Variants in CAMK2D observed in about 807,000 individuals in gnomAD.
CAMK2D encodes calcium/calmodulin-dependent protein kinase type II subunit delta.
In CAMK2D, 37 loss-of-function variants were observed where a neutral mutation model predicts 84.0. That is an observed-to-expected ratio of 0.44 (90% CI 0.34 to 0.58). The LOEUF (loss-of-function observed/expected upper bound fraction) is 0.58. Among genes scored for constraint, CAMK2D ranks in the 20% least tolerant of loss-of-function variants. The pLI is 0.02. For missense variants in CAMK2D, 448 were observed against 652.5 expected (o/e 0.69, Z 3.41); for synonymous variants, 202 against 212.5 (o/e 0.95, Z 0.43).
intron 7 of CAMK2D, among the ~76,000 whole-genome samples, chr4:113,533,823 A>G (rs997523770): frequency 2.0e-5 from 3 of 152,020 alleles, no homozygotes; most frequent in African/African-American, 7.2e-5. Flanking sequence ...AGTTTTGGCT[A>G]GTATTCCAAC....
Position 113,454,277 on chromosome 4 carries a change from C to T in CAMK2D, c.*268G>A, listed in dbSNP as rs1404842496. ...TGGATTTTTTTTTTTGTCTAATCTC[C>T]CCCTATTGTTTTGCCAACAGTAATT... is the stretch of plus-strand genomic sequence containing the variant. On this transcript the variant is annotated 3_prime_UTR_variant, in exon 21 of 21. Transcript: ENST00000511664. 2 of 357,292 alleles carry T rather than the reference C, an allele frequency of 5.6e-6. 1 individual carries two copies. Among genetic ancestry groups the T allele is most frequent in the South Asian group, 1.9e-4 (2 of 10,764 alleles). 22.1% of individuals were successfully genotyped at this position (357,292 alleles called of 1,614,324 possible). A position where few individuals can be genotyped will look rare whatever the true frequency, so the allele number is the denominator to read the frequency against.
At chr4:113,515,872 T>C (rs1380981872) in intron 9 of CAMK2D, among the ~76,000 whole-genome samples, 1 of 152,236 alleles carries the variant, frequency 6.6e-6, no homozygotes, top group Non-Finnish European at 1.5e-5. Flanking sequence ...CCATTACTAA[T>C]ACTTTTTTAT....
At position 113,595,635 on chromosome 4, in the gene CAMK2D, A is replaced by G. The variant is rs114325529; in HGVS notation, c.275+13517T>C. ...CACAATAAAGCAAATATTACAATAA[A>G]ATGAGTCACAGCTTTATTTCACAGT... On this transcript the variant is annotated intron_variant, in intron 4 of 20. Transcript: ENST00000511664. Among the ~76,000 whole-genome samples the G allele has an allele frequency of 3.5e-3, 537 of 152,320 alleles. 3 individuals carry two copies. Among genetic ancestry groups the G allele is most frequent in the African/African-American group, 0.012 (502 of 41,566 alleles).
At position 113,497,781 on chromosome 4, in the gene CAMK2D, C is replaced by T. The variant is rs778356278; in HGVS notation, c.1135+2682G>A. Among the ~76,000 whole-genome samples the T allele has an allele frequency of 1.5e-4, 23 of 152,224 alleles. 1 individual carries two copies. The highest frequency in any genetic ancestry group is 7.9e-4 in the Admixed American group (12 of 15,284). ...GACATGGTATTCAAGGAATCATATA[C>T]CACCATAAAACAATGTAAGTCTAGG... On this transcript the variant is annotated intron_variant, in intron 16 of 20. Transcript: ENST00000511664.
In CAMK2D at chr4:113,609,104, G is replaced by A. The variant is rs376371472; in HGVS notation, c.275+48C>T. ...GTGAGAAAAATCATTAATTCAAAACGGTCCTCAATTAGATTGCAAAAATAA... is the reference window on the plus strand; with the variant it reads ...GTGAGAAAAATCATTAATTCAAAACAGTCCTCAATTAGATTGCAAAAATAA... On this transcript the variant is annotated intron_variant, in intron 4 of 20. Coordinates refer to ENST00000511664, the MANE Select transcript of CAMK2D (RefSeq NM_001321571.2). The A allele has an allele frequency of 6.2e-5, 59 of 955,216 alleles. 1 individual carries two copies. Among genetic ancestry groups the A allele is most frequent in the Non-Finnish European group, 8.9e-5 (52 of 583,674 alleles). 59.2% of individuals were successfully genotyped at this position (955,216 alleles called of 1,614,324 possible). A position where few individuals can be genotyped will look rare whatever the true frequency, so the allele number is the denominator to read the frequency against.
chr4:113,557,188 G>A (rs907713557), intron 4 of CAMK2D, among the ~76,000 whole-genome samples: 2 of 151,916 alleles, frequency 1.3e-5, no homozygotes, highest in Non-Finnish European at 2.9e-5. Flanking sequence ...AACTCCTAAT[G>A]GGCCCCATTT....
intron 2 of CAMK2D, chr4:113,754,899 G>T: frequency 1.0e-6 from 1 of 981,908 alleles, no homozygotes. Flanking sequence ...ATATAAAAAT[G>T]ATTTACTAAT....
intron 4 of CAMK2D, among the ~76,000 whole-genome samples, chr4:113,565,811 CAG>C (rs1383110234): frequency 1.3e-5 from 2 of 152,022 alleles, no homozygotes; most frequent in African/African-American, 4.8e-5. Context: ...GGAGAAAAGA[CAG>C]AAAACTAGGA....
Position 113,761,621 on chromosome 4 carries a change from G to C in CAMK2D, c.-553C>G, listed in dbSNP as rs1402286190. 1.0e-6 allele frequency: 1 copy of C among 985,138 alleles called. No individual in the cohort carries two copies. The highest frequency in any genetic ancestry group is 1.2e-6 in the Non-Finnish European group (1 of 829,840). The allele number at this position is 985,138 out of a possible 1,614,324, so 61.0% of individuals were successfully genotyped here. A position where few individuals can be genotyped will look rare whatever the true frequency, so the allele number is the denominator to read the frequency against. ...CGCGCCGGGGCTCCGACGAGCGTGC[G>C]CGCCCGAGGCCGGCTTCCCTCCGGC... On this transcript the variant is annotated 5_prime_UTR_variant, in exon 1 of 21. Coordinates refer to ENST00000511664, the MANE Select transcript of CAMK2D (RefSeq NM_001321571.2).
intron 4 of CAMK2D, among the ~76,000 whole-genome samples, chr4:113,570,934 AAAC>A (rs748786491): frequency 1.2e-4 from 19 of 152,184 alleles, no homozygotes; most frequent in Non-Finnish European, 2.2e-4. Context: ...TATAAGAAAC[AAAC>A]AACTCAACAG....
chr4:113,661,863 C>A lies in CAMK2D; in HGVS notation c.161-91G>T, dbSNP rs1263178235. ...ATAACAAAATGACAAAAGGCCTTTGCATTTACTTATCCTTTGATTTCATTT... is the reference window on the plus strand; with the variant it reads ...ATAACAAAATGACAAAAGGCCTTTGAATTTACTTATCCTTTGATTTCATTT... On this transcript the variant is annotated intron_variant, in intron 2 of 20. Coordinates refer to ENST00000511664, the MANE Select transcript of CAMK2D (RefSeq NM_001321571.2). The A allele has an allele frequency of 6.4e-6, 4 of 625,894 alleles. No individual in the cohort carries two copies. The East Asian group carries it at 8.4e-5, about 13-fold the overall frequency. The allele number at this position is 625,894 out of a possible 1,614,324, so 38.8% of individuals were successfully genotyped here.
chr4:113,477,385 T>G (rs915262355), intron 16 of CAMK2D, among the ~76,000 whole-genome samples: 4 of 152,326 alleles, frequency 2.6e-5, no homozygotes, highest in Non-Finnish European at 4.4e-5. Context: ...TATAATCAGT[T>G]TAGCTCTGGG....
intron 4 of CAMK2D, among the ~76,000 whole-genome samples, chr4:113,579,873 G>C (rs1017247915): frequency 6.6e-6 from 1 of 152,118 alleles, no homozygotes; most frequent in South Asian, 2.1e-4. Context: ...TGAAAATACA[G>C]CCACTGTTTG....
intron 6 of CAMK2D, among the ~76,000 whole-genome samples, chr4:113,540,893 G>T (rs2098525781): frequency 6.6e-6 from 1 of 152,072 alleles, no homozygotes; most frequent in African/African-American, 2.4e-5. Context: ...TTCTAGGTTG[G>T]TTTTTAAATA....
chr4:113,549,033 GA>G (rs1337751974), intron 5 of CAMK2D, among the ~76,000 whole-genome samples: 1 of 152,070 alleles, frequency 6.6e-6, no homozygotes, highest in Admixed American at 6.5e-5. Flanking sequence ...TCCATATTTA[GA>G]AAGAAAAATT....
At chr4:113,509,156 G>C (rs1193786373) in intron 13 of CAMK2D, among the ~76,000 whole-genome samples, 2 of 152,082 alleles carry the variant, frequency 1.3e-5, no homozygotes, top group East Asian at 1.9e-4. Flanking sequence ...CAGAAACAAG[G>C]AATAATTAAG....
chr4:113,494,368 C>G (rs1330783352), intron 16 of CAMK2D, among the ~76,000 whole-genome samples: 1 of 152,156 alleles, frequency 6.6e-6, no homozygotes, highest in Non-Finnish European at 1.5e-5. Flanking sequence ...AGAGAGGACC[C>G]TCAGCTGCAG....
intron 12 of CAMK2D, among the ~76,000 whole-genome samples, chr4:113,511,329 A>G (rs529034473): frequency 6.6e-6 from 1 of 152,298 alleles, no homozygotes; most frequent in South Asian, 2.1e-4. Flanking sequence ...TTTTCATGCT[A>G]AGACAATCAG....
intron 2 of CAMK2D, among the ~76,000 whole-genome samples, chr4:113,723,225 C>CTTT (rs869114577): frequency 2.1e-5 from 3 of 140,436 alleles, no homozygotes; most frequent in African/African-American, 5.2e-5. Context: ...CCAAAAATAA[C>CTTT]TTTTTTTTTT....
Sources: gnomAD v4.1 joint callset for allele counts (sites outside exome capture counted in the v4.1 genomes callset) on GRCh38, gnomAD v4.1.1 for gene constraint, MANE v1.5 for transcripts, NCBI Gene and HGNC (gene_info 2026-07-23, HGNC 2026-07-21) for gene names.